WWOX: variants seen among roughly 807,000 people sequenced by gnomAD.
The protein encoded by WWOX is WW domain containing oxidoreductase.
In WWOX, 69 loss-of-function variants were observed where a neutral mutation model predicts 46.2. The ratio of observed to expected loss-of-function variants is 1.49; its 90% CI spans 1.23 to 1.82. WWOX has a LOEUF of 1.82. Among genes scored for constraint, WWOX ranks in the 40% most tolerant of loss-of-function variants. The probability of loss-of-function intolerance (pLI) is 0.00; values close to 1 mark genes in which losing one functional copy is unlikely to be tolerated. For synonymous variants in WWOX, 359 were observed against 202.6 expected (o/e 1.77, Z -6.56); for missense variants, 919 against 542.6 (o/e 1.69, Z -6.89).
At chr16:78,959,517 A>G (rs554728889) in intron 8 of WWOX, among the ~76,000 whole-genome samples, 1 of 152,320 alleles carries the variant, frequency 6.6e-6, no homozygotes, top group East Asian at 1.9e-4. Flanking sequence ...TCACTCATGC[A>G]TTCATCCACC....
chr16:79,129,254 TAG>T (rs1411926217), intron 8 of WWOX, among the ~76,000 whole-genome samples: 1 of 151,298 alleles, frequency 6.6e-6, no homozygotes, highest in Non-Finnish European at 1.5e-5. Context: ...CAACGCAAAA[TAG>T]AGATGTAGTT....
intron 8 of WWOX, among the ~76,000 whole-genome samples, chr16:78,435,080 C>T (rs1028480134): frequency 1.4e-4 from 21 of 152,106 alleles, no homozygotes; most frequent in African/African-American, 4.3e-4. Flanking sequence ...TAAGTTGGAT[C>T]GGTGACTGTA....
At chr16:78,149,532 A>T (rs139557474) in intron 4 of WWOX, among the ~76,000 whole-genome samples, 1 of 152,238 alleles carries the variant, frequency 6.6e-6, no homozygotes, top group Non-Finnish European at 1.5e-5. Flanking sequence ...TTTATGTAAT[A>T]CAGTAGCTGA....
intron 8 of WWOX, among the ~76,000 whole-genome samples, chr16:79,035,992 C>G (rs890835998): frequency 6.6e-6 from 1 of 152,188 alleles, no homozygotes; most frequent in East Asian, 1.9e-4. Context: ...TTTTGCTTGG[C>G]TTAAGAATCT....
chr16:78,651,751 C>G (rs899067381), intron 8 of WWOX, among the ~76,000 whole-genome samples: 2 of 152,190 alleles, frequency 1.3e-5, no homozygotes, highest in Admixed American at 6.5e-5. Flanking sequence ...GATGAAGAAC[C>G]TCTTTCGTAT....
chr16:78,673,200 A>G (rs1046223262), intron 8 of WWOX, among the ~76,000 whole-genome samples: 3 of 152,184 alleles, frequency 2.0e-5, no homozygotes, highest in African/African-American at 7.2e-5. Flanking sequence ...GATCAGTAGA[A>G]GAGTACAATA....
At chr16:78,168,162 C>A (rs1034969565) in intron 5 of WWOX, 3 of 152,216 alleles carry the variant, frequency 2.0e-5, no homozygotes, top group Non-Finnish European at 4.4e-5. Flanking sequence ...TGTGCCAAGG[C>A]TCCGTGGGCA....
At chr16:78,776,220 C>G (rs2050185846) in intron 8 of WWOX, among the ~76,000 whole-genome samples, 1 of 152,010 alleles carries the variant, frequency 6.6e-6, no homozygotes, top group African/African-American at 2.4e-5. Context: ...ACTTTTGTGT[C>G]TAAGGATTGT....
intron 8 of WWOX, among the ~76,000 whole-genome samples, chr16:78,743,762 G>A (rs997188894): frequency 6.6e-6 from 1 of 152,118 alleles, no homozygotes; most frequent in African/African-American, 2.4e-5. Context: ...CAACCTATCA[G>A]ACATTTGCAT....
intron 5 of WWOX, among the ~76,000 whole-genome samples, chr16:78,210,424 C>T (rs1237624575): frequency 6.6e-6 from 1 of 152,130 alleles, no homozygotes; most frequent in Non-Finnish European, 1.5e-5. Context: ...TTTGTAGTTG[C>T]TGCTGGTCTC....
rs572751675 is a variant in WWOX, at chr16:78,154,450, A to T, written c.410-9733A>T. Among the ~76,000 whole-genome samples the T allele has an allele frequency of 4.5e-5, 6 of 133,398 alleles. 1 individual carries two copies. The South Asian group carries it at 1.0e-3, about 23-fold the overall frequency. The allele number at this position is 133,398 out of a possible 152,430, so 87.5% of individuals were successfully genotyped here. Reference sequence around the variant, plus strand: ...GCTTCATCTCTGTTGTATTCATGTGATTTATTTACACAGAGTTGCTCCCCA... The same window carrying T: ...GCTTCATCTCTGTTGTATTCATGTGTTTTATTTACACAGAGTTGCTCCCCA... On this transcript the variant is annotated intron_variant, in intron 4 of 8. Coordinates refer to ENST00000566780, the MANE Select transcript of WWOX (RefSeq NM_016373.4).
intron 8 of WWOX, among the ~76,000 whole-genome samples, chr16:78,479,293 C>G (rs955154869): frequency 2.6e-5 from 4 of 152,144 alleles, no homozygotes; most frequent in African/African-American, 4.8e-5. Flanking sequence ...ATCAGTCAAG[C>G]CTTCCAGGAT....
intron 5 of WWOX, among the ~76,000 whole-genome samples, chr16:78,337,372 A>G (rs986724954): frequency 6.6e-6 from 1 of 152,220 alleles, no homozygotes; most frequent in Non-Finnish European, 1.5e-5. Context: ...AGCATATAGT[A>G]CATGCTGTCC....
chr16:78,651,343 A>G (rs919399993), intron 8 of WWOX, among the ~76,000 whole-genome samples: 9 of 152,340 alleles, frequency 5.9e-5, no homozygotes, highest in African/African-American at 1.2e-4. Flanking sequence ...CAGAAAAGAT[A>G]TAACGATTGA....
intron 8 of WWOX, among the ~76,000 whole-genome samples, chr16:78,545,111 T>G (rs1207923309): frequency 1.3e-5 from 2 of 152,212 alleles, no homozygotes; most frequent in Non-Finnish European, 2.9e-5. Context: ...ATTCTCTAAG[T>G]ACATACCCAC....
chr16:78,285,060 C>T (rs1021448342), intron 5 of WWOX, among the ~76,000 whole-genome samples: 2 of 152,254 alleles, frequency 1.3e-5, no homozygotes, highest in Admixed American at 6.5e-5. Context: ...ACCCAGAGGG[C>T]ACTTCTGAAA....
At chr16:78,694,933 A>C (rs975099949) in intron 8 of WWOX, among the ~76,000 whole-genome samples, 2 of 152,174 alleles carry the variant, frequency 1.3e-5, no homozygotes, top group African/African-American at 4.8e-5. Flanking sequence ...CCATAAATTA[A>C]TAACACATCT....
intron 8 of WWOX, among the ~76,000 whole-genome samples, chr16:78,884,164 C>T (rs921601579): frequency 1.1e-4 from 16 of 149,246 alleles, no homozygotes; most frequent in Non-Finnish European, 2.4e-4. Context: ...CCTAGTTACT[C>T]GGGAGGCTGA....
intron 5 of WWOX, among the ~76,000 whole-genome samples, chr16:78,214,464 T>C (rs1237422473): frequency 6.6e-6 from 1 of 152,142 alleles, no homozygotes; most frequent in African/African-American, 2.4e-5. Context: ...CTGTGGTCGC[T>C]GTCTGCACTC....
Sources: gnomAD v4.1 joint callset for allele counts (sites outside exome capture counted in the v4.1 genomes callset) on GRCh38, gnomAD v4.1.1 for gene constraint, MANE v1.5 for transcripts, NCBI Gene and HGNC (gene_info 2026-07-23, HGNC 2026-07-21) for gene names.